The following SLC9C2 variants were observed in gnomAD, a reference collection of about 807,000 sequenced individuals.
SLC9C2 encodes solute carrier family 9 member C2 (putative).
Under a neutral mutation model 140.2 loss-of-function variants are expected in SLC9C2, and 75 were observed. The ratio of observed to expected loss-of-function variants is 0.53; its 90% CI spans 0.44 to 0.65. The LOEUF (loss-of-function observed/expected upper bound fraction) is 0.65, where lower values mean the gene tolerates loss of function less well. Ranked by LOEUF, SLC9C2 falls within the 30% of genes least tolerant of loss-of-function variation. The pLI, the probability that SLC9C2 is intolerant of heterozygous loss-of-function variation, is 0.00. For synonymous variants in SLC9C2, 375 were observed against 420.9 expected, an observed-to-expected ratio of 0.89 and a Z score of 1.34; for missense variants, 1,074 against 1,331.8, an observed-to-expected ratio of 0.81 and a Z score of 3.01.
chr1:173,583,632 G>A lies in SLC9C2; in HGVS notation c.524-10C>T. ...TATATTTTAGAAATGCCTGAAAAAG[G>A]AAATACAAAATGTAACTCAATATGC... On this transcript the variant is annotated splice_polypyrimidine_tract_variant and intron_variant, in intron 5 of 27. Coordinates refer to ENST00000367714, the MANE Select transcript of SLC9C2 (RefSeq NM_178527.4). The A allele has an allele frequency of 1.4e-6, 2 of 1,397,646 alleles. No homozygotes were observed. The highest frequency in any genetic ancestry group is 9.9e-7 in the Non-Finnish European group (1 of 1,012,860). 86.6% of individuals were successfully genotyped at this position (1,397,646 alleles called of 1,614,324 possible).
intron 9 of SLC9C2, among the ~76,000 whole-genome samples, chr1:173,561,842 TACACACACACACAGACACAG>T (rs1319648771): frequency 0.017 from 2,315 of 134,006 alleles, 74 homozygotes; most frequent in African/African-American, 0.075. Context: ...TCACATAAGA[TACACACACACACAGACACAG>T]ACACACACAC....
intron 9 of SLC9C2, among the ~76,000 whole-genome samples, chr1:173,564,917 G>A (rs1439891443): frequency 6.7e-6 from 1 of 149,856 alleles, no homozygotes; most frequent in African/African-American, 2.5e-5. Context: ...GATTACAGGC[G>A]TGAGCCACCG....
chr1:173,590,244 A>G (rs1397809020), intron 4 of SLC9C2, among the ~76,000 whole-genome samples: 2 of 148,662 alleles, frequency 1.3e-5, no homozygotes. Flanking sequence ...CTCCATCTCA[A>G]AAAAAAAAAA....
intron 9 of SLC9C2, among the ~76,000 whole-genome samples, chr1:173,569,488 T>A (rs1369193580): frequency 6.6e-6 from 1 of 152,092 alleles, no homozygotes; most frequent in Non-Finnish European, 1.5e-5. Flanking sequence ...TATTGATATC[T>A]TTCCCTTGGT....
chr1:173,509,699 C>A lies in SLC9C2; in HGVS notation c.2908G>T (p.Ala970Ser). ...YTVICETSLQ[A>S]CFISLEDLYE... ...AAATCCTCCAGGGAGATAAAGCAGG[C>A]CTGAAACAAAAAGGAACCAGGCCAT... Residue 970 changes from alanine (A) to serine (S), a missense_variant and splice_region_variant, in exon 24 of 28, where the codon GCC becomes TCC. Transcript: ENST00000367714. 1 of 1,583,478 alleles carries A rather than the reference C, an allele frequency of 6.3e-7. No homozygotes were observed. Among genetic ancestry groups the A allele is most frequent in the Non-Finnish European group, 8.5e-7 (1 of 1,171,598 alleles).
chr1:173,573,090 A>G (rs1465846238), intron 9 of SLC9C2, 92 bp downstream of exon 9: 7 of 870,192 alleles, frequency 8.0e-6, no homozygotes, highest in Middle Eastern at 5.5e-4. Context: ...CCATGTCCAG[A>G]GCCCTTTTTG....
At chr1:173,571,100 C>T (rs913287121) in intron 9 of SLC9C2, among the ~76,000 whole-genome samples, 3 of 152,132 alleles carry the variant, frequency 2.0e-5, no homozygotes, top group Admixed American at 6.5e-5. Flanking sequence ...GAGGGATGAT[C>T]AGTGGAGCCT....
intron 4 of SLC9C2, among the ~76,000 whole-genome samples, chr1:173,595,230 C>T (rs1039125989): frequency 1.3e-5 from 2 of 152,226 alleles, no homozygotes; most frequent in East Asian, 3.9e-4. Context: ...GCTCTCAATG[C>T]TCTTAAGGAC....
intron 23 of SLC9C2, among the ~76,000 whole-genome samples, chr1:173,517,072 T>C (rs1055523642): frequency 2.6e-5 from 4 of 152,260 alleles, no homozygotes; most frequent in Non-Finnish European, 5.9e-5. Flanking sequence ...TCAGTTATGT[T>C]GAGCTTTTTT....
At chr1:173,524,551 T>C (rs1445773519) in intron 20 of SLC9C2, among the ~76,000 whole-genome samples, 1 of 152,208 alleles carries the variant, frequency 6.6e-6, no homozygotes, top group Non-Finnish European at 1.5e-5. Context: ...ATTTCTTTAC[T>C]AAACTTAGTT....
chr1:173,520,624 C>T (rs188560338), intron 22 of SLC9C2, among the ~76,000 whole-genome samples: 1 of 152,252 alleles, frequency 6.6e-6, no homozygotes, highest in Admixed American at 6.5e-5. Context: ...ATGAAAAGTG[C>T]TTAGAATAGT....
At chr1:173,597,419 C>A (rs1039308190) in intron 4 of SLC9C2, among the ~76,000 whole-genome samples, 1 of 151,760 alleles carries the variant, frequency 6.6e-6, no homozygotes, top group Non-Finnish European at 1.5e-5. Context: ...AATATTAATT[C>A]AAGATGTTAG....
At chr1:173,568,125 G>A (rs10047209) in intron 9 of SLC9C2, among the ~76,000 whole-genome samples, 24,944 of 152,048 alleles carry the variant, frequency 0.16, 6,788 homozygotes, top group African/African-American at 0.57. Context: ...CAATTACAGC[G>A]TTTTTTAAAT....
intron 11 of SLC9C2, among the ~76,000 whole-genome samples, chr1:173,550,910 A>AGGAAG (rs1663250750): frequency 8.4e-5 from 4 of 47,736 alleles, no homozygotes; most frequent in Non-Finnish European, 1.5e-4. Context: ...GAGAGAGAGA[A>AGGAAG]GGAAGGGAAG....
intron 13 of SLC9C2, among the ~76,000 whole-genome samples, chr1:173,543,826 C>T (rs1571518412): frequency 6.6e-6 from 1 of 152,266 alleles, no homozygotes; most frequent in African/African-American, 2.4e-5. Flanking sequence ...AACTGGATCC[C>T]TTCCTTACAC....
chr1:173,524,869 G>A lies in SLC9C2; in HGVS notation c.2424C>T (p.Ile808=), dbSNP rs1393500453. The change falls in exon 20 of 28, where the codon ATC becomes ATT. Residue 808 remains isoleucine, a synonymous_variant. Transcript: ENST00000367714. ...TTAGAGCTTTAGCAATCACATTCCG[G>A]ATTGCCTGTTTAGTCTTCAAAGCAA... ...VVIALKTKQA[I]RNVIAKALKN... The A allele has an allele frequency of 6.2e-7, 1 of 1,613,954 alleles. No homozygotes were observed. The highest frequency in any genetic ancestry group is 2.2e-5 in the East Asian group (1 of 44,884).
intron 8 of SLC9C2, 69 bp from the exon 9 acceptor site, chr1:173,573,394 A>C: frequency 8.7e-7 from 1 of 1,144,120 alleles, no homozygotes; most frequent in Non-Finnish European, 1.2e-6. Context: ...TTTTCATATA[A>C]AATCATATAT....
chr1:173,547,700 C>T lies in SLC9C2; in HGVS notation c.1546G>A (p.Ala516Thr). 1 of 1,610,334 alleles carries T rather than the reference C, an allele frequency of 6.2e-7. No individual in the cohort carries two copies. Among genetic ancestry groups the T allele is most frequent in the South Asian group, 1.1e-5 (1 of 90,788 alleles). Residue 516 changes from alanine (A) to threonine (T), a missense_variant, in exon 13 of 28, where the codon GCA (alanine) becomes ACA (threonine). Transcript: ENST00000367714. Reference sequence around the variant, plus strand: ...TGAACAGCACCAACCATTTGTATTGCAGCTACATGCAATCTGGCTTCCTCC... The same window carrying T: ...TGAACAGCACCAACCATTTGTATTGTAGCTACATGCAATCTGGCTTCCTCC... ...LMEEARLHVA[A>T]IQMSSFEKQR...
intron 24 of SLC9C2, among the ~76,000 whole-genome samples, chr1:173,507,941 A>G (rs192305888): frequency 6.6e-6 from 1 of 152,272 alleles, no homozygotes; most frequent in Non-Finnish European, 1.5e-5. Context: ...AGGAATTTAG[A>G]GATCAGCCCA....
Sources: allele counts gnomAD v4.1 joint callset (sites outside exome capture counted in the v4.1 genomes callset), GRCh38; gene constraint gnomAD v4.1.1; transcripts MANE v1.5; gene names NCBI Gene and HGNC (gene_info 2026-07-23, HGNC 2026-07-21).